The following NRXN3 variants were observed in gnomAD, a reference collection of about 807,000 sequenced individuals.
NRXN3 encodes neurexin III.
Under a neutral mutation model 137.6 loss-of-function variants are expected in NRXN3, and 32 were observed. The observed-to-expected ratio is 0.23, with a 90% CI of 0.18 to 0.31. NRXN3 has a LOEUF of 0.31. NRXN3 is among the 10% of genes least tolerant of loss of function. NRXN3 has a pLI of 1.00. For missense variants in NRXN3, 1,574 were observed against 2,062.5 expected, an observed-to-expected ratio of 0.76 and a Z score of 4.59; for synonymous variants, 798 against 784.5, an observed-to-expected ratio of 1.02 and a Z score of -0.29.
At chr14:79,763,212 A>G (rs201032945) in intron 19 of NRXN3, among the ~76,000 whole-genome samples, 2 of 151,672 alleles carry the variant, frequency 1.3e-5, no homozygotes, top group East Asian at 1.9e-4. Flanking sequence ...ATCCTTTTTT[A>G]TGGTTGCATA....
At chr14:79,273,180 A>T (rs867555380) in intron 15 of NRXN3, among the ~76,000 whole-genome samples, 162 of 142,992 alleles carry the variant, frequency 1.1e-3, no homozygotes, top group African/African-American at 4.0e-3. Flanking sequence ...GCCAAAAAAA[A>T]AAAAAAAAAA....
chr14:79,361,619 A>T (rs947898185), intron 15 of NRXN3, among the ~76,000 whole-genome samples: 3 of 152,152 alleles, frequency 2.0e-5, no homozygotes, highest in African/African-American at 7.2e-5. Context: ...TGAGAGGTTG[A>T]GGCAGGAGAA....
At chr14:78,933,602 G>A (rs1246775788) in intron 10 of NRXN3, among the ~76,000 whole-genome samples, 2 of 152,134 alleles carry the variant, frequency 1.3e-5, no homozygotes, top group African/African-American at 2.4e-5. Flanking sequence ...ATGATGCTTC[G>A]AAGTGTCAAT....
intron 4 of NRXN3, among the ~76,000 whole-genome samples, chr14:78,641,869 G>A (rs1463909312): frequency 1.3e-5 from 2 of 152,170 alleles, no homozygotes; most frequent in Admixed American, 6.5e-5. Context: ...TCTTCCTCAC[G>A]TTGGTTTTAG....
At chr14:79,512,583 T>G (rs1037893066) in intron 16 of NRXN3, among the ~76,000 whole-genome samples, 1 of 152,226 alleles carries the variant, frequency 6.6e-6, no homozygotes, top group Non-Finnish European at 1.5e-5. Flanking sequence ...CGATGTACAT[T>G]TATTTCAAAT....
chr14:79,766,109 T>C (rs2139587751), intron 19 of NRXN3, among the ~76,000 whole-genome samples: 1 of 152,364 alleles, frequency 6.6e-6, no homozygotes, highest in East Asian at 1.9e-4. Context: ...GAATACTTGA[T>C]CTGTTTCTAT....
chr14:79,490,071 T>G (rs1341326292), intron 16 of NRXN3, among the ~76,000 whole-genome samples: 37 of 149,266 alleles, frequency 2.5e-4, no homozygotes, highest in Non-Finnish European at 4.5e-5. Flanking sequence ...TCTGGTAATT[T>G]CTCTTTCATT....
intron 6 of NRXN3, among the ~76,000 whole-genome samples, chr14:78,701,677 G>A (rs955467038): frequency 1.7e-4 from 26 of 152,172 alleles, no homozygotes; most frequent in African/African-American, 5.3e-4. Flanking sequence ...GATACGCTTT[G>A]TTTGACCCAT....
chr14:79,170,727 T>G (rs1022211668), intron 15 of NRXN3, among the ~76,000 whole-genome samples: 1 of 152,092 alleles, frequency 6.6e-6, no homozygotes, highest in East Asian at 1.9e-4. Context: ...ATTTTCAGAA[T>G]CTAGCTATTT....
At chr14:78,979,392 C>T (rs2099482471) in intron 14 of NRXN3, among the ~76,000 whole-genome samples, 1 of 152,048 alleles carries the variant, frequency 6.6e-6, no homozygotes. Context: ...TCAAAAATTT[C>T]CCTGTAGGGT....
chr14:79,781,416 A>G (rs985773275), intron 19 of NRXN3, among the ~76,000 whole-genome samples: 3 of 152,270 alleles, frequency 2.0e-5, no homozygotes, highest in Non-Finnish European at 4.4e-5. Context: ...AGAAAGAAAC[A>G]TAACAAGCTA....
intron 16 of NRXN3, among the ~76,000 whole-genome samples, chr14:79,468,528 A>G (rs889090117): frequency 1.3e-5 from 2 of 152,236 alleles, no homozygotes; most frequent in African/African-American, 4.8e-5. Flanking sequence ...AAAAGGAGGA[A>G]AAGGAACATT....
At chr14:79,679,939 A>G (rs566175395) in intron 17 of NRXN3, among the ~76,000 whole-genome samples, 2 of 152,182 alleles carry the variant, frequency 1.3e-5, no homozygotes, top group African/African-American at 4.8e-5. Context: ...TGTAAATCAC[A>G]GCATTTAGCA....
intron 4 of NRXN3, among the ~76,000 whole-genome samples, chr14:78,531,991 G>C (rs2096467493): frequency 6.6e-6 from 1 of 151,860 alleles, no homozygotes; most frequent in Non-Finnish European, 1.5e-5. Context: ...AGTTTTATTG[G>C]AGAACCTTAT....
chr14:79,150,168 A>G (rs566788310), intron 15 of NRXN3, among the ~76,000 whole-genome samples: 1 of 152,202 alleles, frequency 6.6e-6, no homozygotes, highest in South Asian at 2.1e-4. Flanking sequence ...TATGGGTTCC[A>G]GTGTGTATAT....
chr14:79,559,711 C>G (rs891351504), intron 16 of NRXN3, among the ~76,000 whole-genome samples: 1 of 152,046 alleles, frequency 6.6e-6, no homozygotes, highest in Non-Finnish European at 1.5e-5. Flanking sequence ...TACAAACTTT[C>G]AATTTGTAAA....
intron 15 of NRXN3, among the ~76,000 whole-genome samples, chr14:79,163,788 A>G (rs1056172671): frequency 6.6e-5 from 10 of 151,958 alleles, no homozygotes; most frequent in South Asian, 2.1e-4. Flanking sequence ...CTTTCATTCA[A>G]TGAACTGCAA....
At chr14:79,034,531 C>T (rs1383208879) in intron 15 of NRXN3, among the ~76,000 whole-genome samples, 1 of 152,078 alleles carries the variant, frequency 6.6e-6, no homozygotes, top group Non-Finnish European at 1.5e-5. Context: ...TGGCATCTGC[C>T]CTTGCTCCGC....
intron 19 of NRXN3, among the ~76,000 whole-genome samples, chr14:79,705,758 C>T (rs568442380): frequency 3.8e-4 from 58 of 152,186 alleles, no homozygotes; most frequent in Admixed American, 2.5e-3. Flanking sequence ...CCTTCTTGAC[C>T]GTCTGTAAAA....
Sources: allele counts gnomAD v4.1 joint callset (sites outside exome capture counted in the v4.1 genomes callset), GRCh38; gene constraint gnomAD v4.1.1; transcripts MANE v1.5; gene names NCBI Gene and HGNC (gene_info 2026-07-23, HGNC 2026-07-21).